The following NWD2 variants were observed in gnomAD, a reference collection of about 807,000 sequenced individuals.
NWD2 encodes NACHT and WD repeat domain containing 2.
NWD2 carries 37 observed loss-of-function variants against 132.7 expected under a neutral mutation model. That is an observed-to-expected ratio of 0.28 (90% CI 0.21 to 0.37). The LOEUF (loss-of-function observed/expected upper bound fraction) is 0.37, where lower values mean the gene tolerates loss of function less well. Ranked by LOEUF, NWD2 falls within the 10% of genes least tolerant of loss-of-function variation. The pLI, the probability that NWD2 is intolerant of heterozygous loss-of-function variation, is 1.00. For synonymous variants in NWD2, 705 were observed against 803.0 expected (o/e 0.88, Z 2.06); for missense variants, 1,592 against 2,122.4 (o/e 0.75, Z 4.91).
At chr4:37,295,288 G>A (rs1230521175) in intron 1 of NWD2, among the ~76,000 whole-genome samples, 1 of 152,112 alleles carries the variant, frequency 6.6e-6, no homozygotes, top group Non-Finnish European at 1.5e-5. Flanking sequence ...TTCCTTAGAT[G>A]TTTCAATATC....
chr4:37,425,208 C>T lies in NWD2; in HGVS notation c.358-5364C>T, dbSNP rs115863090. The stretch of plus-strand genomic sequence containing the variant: ...CATTTTAAAGTGAACAATTCAGTGA[C>T]ATTTACTACATTTACAGTGTTGTAC... On this transcript the variant is annotated intron_variant, in intron 3 of 6. Coordinates refer to ENST00000309447, the MANE Select transcript of NWD2 (RefSeq NM_001144990.2). 7.5e-3 allele frequency among the ~76,000 whole-genome samples: 1,144 copies of T among 152,292 alleles called. 20 individuals are homozygous for T. Among genetic ancestry groups the T allele is most frequent in the African/African-American group, 0.026 (1,093 of 41,562 alleles).
At chr4:37,371,994 G>A (rs1449603519) in intron 3 of NWD2, among the ~76,000 whole-genome samples, 2 of 151,988 alleles carry the variant, frequency 1.3e-5, no homozygotes, top group African/African-American at 4.8e-5. Context: ...CTTGAAATAT[G>A]GTGTATTTAA....
At chr4:37,262,581 G>C (rs1015692097) in intron 1 of NWD2, among the ~76,000 whole-genome samples, 1 of 152,140 alleles carries the variant, frequency 6.6e-6, no homozygotes, top group African/African-American at 2.4e-5. Flanking sequence ...ACCCACTCCA[G>C]AAATTCAGCA....
intron 2 of NWD2, among the ~76,000 whole-genome samples, chr4:37,346,887 T>C (rs1298601718): frequency 1.3e-5 from 2 of 152,110 alleles, no homozygotes; most frequent in Non-Finnish European, 2.9e-5. Flanking sequence ...TGTATAGAAA[T>C]AGGTTTTTGT....
chr4:37,293,771 GT>G (rs1455831889), intron 1 of NWD2, among the ~76,000 whole-genome samples: 1 of 151,664 alleles, frequency 6.6e-6, no homozygotes, highest in Non-Finnish European at 1.5e-5. Flanking sequence ...GATTTAAAGT[GT>G]TTTCTTAATA....
chr4:37,245,974 C>G (rs1357572922), intron 1 of NWD2, among the ~76,000 whole-genome samples: 1 of 152,192 alleles, frequency 6.6e-6, no homozygotes, highest in Non-Finnish European at 1.5e-5. Context: ...CGGTCAAATC[C>G]TGGCTCATCA....
intron 2 of NWD2, among the ~76,000 whole-genome samples, chr4:37,342,663 C>A (rs1267360546): frequency 6.6e-6 from 1 of 152,170 alleles, no homozygotes; most frequent in Non-Finnish European, 1.5e-5. Flanking sequence ...TCTCCATGTT[C>A]ATTAAGCCTT....
intron 1 of NWD2, among the ~76,000 whole-genome samples, chr4:37,313,975 C>T (rs1024290342): frequency 5.3e-5 from 8 of 151,484 alleles, no homozygotes; most frequent in East Asian, 3.9e-4. Flanking sequence ...AGATTACAGG[C>T]GTGAGCCACT....
intron 3 of NWD2, among the ~76,000 whole-genome samples, chr4:37,372,424 G>T (rs6823583): frequency 6.6e-6 from 1 of 151,952 alleles, no homozygotes; most frequent in Non-Finnish European, 1.5e-5. Context: ...AGTAAGGAGC[G>T]ATGTAAGGCA....
chr4:37,438,907 A>G lies in NWD2; in HGVS notation c.813A>G (p.Lys271=), dbSNP rs752838933. Residue 271 remains lysine (K), a synonymous_variant, in exon 6 of 7, where the codon AAA becomes AAG. Transcript: ENST00000309447. ...TTGCTAACATTGAGCGCTTTGTGAA[A>G]ATCCCAGAGATGGGAAAATACATGG... The part of the protein sequence containing the change: ...RKIANIERFV[K]IPEMGKYMDI... 36 of 1,551,950 alleles carry G rather than the reference A, an allele frequency of 2.3e-5. No homozygotes were observed. In the Middle Eastern group the frequency reaches 5.0e-4, roughly 22 times the overall value.
intron 1 of NWD2, among the ~76,000 whole-genome samples, 191 bp downstream of exon 1, chr4:37,245,409 C>G (rs941925990): frequency 1.3e-5 from 2 of 152,200 alleles, no homozygotes; most frequent in East Asian, 3.9e-4. Flanking sequence ...CCGGTTTTGC[C>G]TGCACACTTC....
At chr4:37,346,179 A>T (rs1049940712) in intron 2 of NWD2, among the ~76,000 whole-genome samples, 1 of 151,810 alleles carries the variant, frequency 6.6e-6, no homozygotes. Context: ...TGTTGAGTTA[A>T]TTAATTTTAC....
intron 1 of NWD2, among the ~76,000 whole-genome samples, chr4:37,251,066 G>A (rs1717348976): frequency 6.6e-6 from 1 of 152,206 alleles, no homozygotes. Flanking sequence ...ATCACTTGAG[G>A]TCAGGAATTC....
intron 1 of NWD2, among the ~76,000 whole-genome samples, chr4:37,288,300 A>AAGAT (rs1435536186): frequency 5.3e-5 from 8 of 152,236 alleles, no homozygotes; most frequent in Admixed American, 3.9e-4. Context: ...CAGTACAAAG[A>AAGAT]AGATAGAGTA....
intron 3 of NWD2, among the ~76,000 whole-genome samples, chr4:37,400,394 G>C (rs1339949215): frequency 1.3e-5 from 2 of 152,198 alleles, no homozygotes; most frequent in African/African-American, 4.8e-5. Flanking sequence ...GCAGTGAAGA[G>C]GAATTGCCCA....
intron 2 of NWD2, among the ~76,000 whole-genome samples, chr4:37,329,239 C>G (rs1719238802): frequency 6.6e-6 from 1 of 152,160 alleles, no homozygotes; most frequent in Non-Finnish European, 1.5e-5. Context: ...AACCAACATT[C>G]TAAGTGCTGG....
intron 3 of NWD2, among the ~76,000 whole-genome samples, chr4:37,399,549 A>G (rs1280940623): frequency 6.6e-6 from 1 of 152,130 alleles, no homozygotes; most frequent in African/African-American, 2.4e-5. Flanking sequence ...TGGTGGCCCA[A>G]TATTTCCCTT....
intron 3 of NWD2, among the ~76,000 whole-genome samples, chr4:37,427,470 A>C (rs1276172078): frequency 1.3e-5 from 2 of 152,364 alleles, no homozygotes; most frequent in African/African-American, 4.8e-5. Context: ...CTTGAGATAC[A>C]TCATTTGTGT....
intron 5 of NWD2, among the ~76,000 whole-genome samples, chr4:37,438,233 C>A (rs1712376228): frequency 6.6e-6 from 1 of 151,250 alleles, no homozygotes. Context: ...TGCACTCCAG[C>A]CTGGGCGACA....
Sources: allele counts gnomAD v4.1 joint callset (sites outside exome capture counted in the v4.1 genomes callset), GRCh38; gene constraint gnomAD v4.1.1; transcripts MANE v1.5; gene names NCBI Gene and HGNC (gene_info 2026-07-23, HGNC 2026-07-21).